BNC2: variants seen among roughly 807,000 people sequenced by gnomAD.
The protein encoded by BNC2 is zinc finger protein basonuclin-2.
A neutral mutation model predicts 76.3 loss-of-function variants in BNC2; 20 were observed. The ratio of observed to expected loss-of-function variants is 0.26; its 90% CI spans 0.18 to 0.38. The LOEUF (loss-of-function observed/expected upper bound fraction) is 0.38. Ranked by LOEUF, BNC2 falls within the 10% of genes least tolerant of loss-of-function variation. The pLI is 1.00. For synonymous variants in BNC2, 582 were observed against 514.8 expected (o/e 1.13, Z -1.77); for missense variants, 1,382 against 1,399.8 (o/e 0.99, Z 0.20).
chr9:16,552,353 G>A (rs905572724), intron 5 of BNC2, among the ~76,000 whole-genome samples, 177 bp downstream of exon 5: 16 of 152,152 alleles, frequency 1.1e-4, no homozygotes, highest in African/African-American at 3.9e-4. Context: ...ACAGCCTGAG[G>A]CCCGATGGTG....
chr9:16,801,192 CAA>C (rs1187184393), intron 1 of BNC2, among the ~76,000 whole-genome samples: 2 of 152,096 alleles, frequency 1.3e-5, no homozygotes, highest in African/African-American at 4.8e-5. Flanking sequence ...TCAAATCTCC[CAA>C]AGACTTTAGC....
intron 5 of BNC2, among the ~76,000 whole-genome samples, chr9:16,439,543 T>A (rs540202684): frequency 6.6e-6 from 1 of 152,200 alleles, no homozygotes; most frequent in East Asian, 1.9e-4. Flanking sequence ...CTGTGCTTTA[T>A]GTAGGATGTT....
chr9:16,669,551 T>C (rs759944548), intron 3 of BNC2, among the ~76,000 whole-genome samples: 1 of 152,230 alleles, frequency 6.6e-6, no homozygotes, highest in African/African-American at 2.4e-5. Context: ...ATAACAGTTA[T>C]AAATTCTTAG....
intron 2 of BNC2, among the ~76,000 whole-genome samples, chr9:16,737,253 T>C (rs1435941312): frequency 1.4e-5 from 2 of 145,894 alleles, no homozygotes; most frequent in Non-Finnish European, 3.0e-5. Flanking sequence ...TTTTTTTTTT[T>C]TTTTTTTTTC....
chr9:16,591,074 T>C (rs113251503), intron 3 of BNC2, among the ~76,000 whole-genome samples: 2 of 152,198 alleles, frequency 1.3e-5, no homozygotes, highest in African/African-American at 4.8e-5. Context: ...ACTCACATGA[T>C]AGTAATGGTG....
chr9:16,749,647 C>T (rs1411109519), intron 1 of BNC2, among the ~76,000 whole-genome samples: 2 of 151,250 alleles, frequency 1.3e-5, no homozygotes, highest in Non-Finnish European at 2.9e-5. Flanking sequence ...CTGCAGTGAG[C>T]CATGATTGTG....
chr9:16,763,614 T>G (rs1386710991), intron 1 of BNC2, among the ~76,000 whole-genome samples: 1 of 152,072 alleles, frequency 6.6e-6, no homozygotes, highest in Non-Finnish European at 1.5e-5. Context: ...TGATAGTGAT[T>G]TTATATGAAG....
intron 5 of BNC2, among the ~76,000 whole-genome samples, chr9:16,509,448 A>G (rs1267771597): frequency 6.6e-6 from 1 of 152,126 alleles, no homozygotes. Flanking sequence ...TACTCAGCCA[A>G]TTTCACTAGT....
chr9:16,780,608 T>C (rs1297851317), intron 1 of BNC2, among the ~76,000 whole-genome samples: 3 of 152,112 alleles, frequency 2.0e-5, no homozygotes, highest in South Asian at 2.1e-4. Flanking sequence ...TTGTATATTA[T>C]GGGAATTACA....
intron 1 of BNC2, among the ~76,000 whole-genome samples, chr9:16,846,020 G>A (rs1157041305): frequency 7.2e-5 from 11 of 151,908 alleles, no homozygotes; most frequent in Admixed American, 2.6e-4. Flanking sequence ...CGCGGTGGCG[G>A]GCACCTGCAG....
chr9:16,785,595 A>G (rs1039792973), intron 1 of BNC2, among the ~76,000 whole-genome samples: 1 of 137,014 alleles, frequency 7.3e-6, no homozygotes, highest in Admixed American at 7.7e-5. Flanking sequence ...GTGAGGTTTC[A>G]CCATGTTGGC....
rs1820610773 is a variant in BNC2 at position 16,417,531 on chromosome 9, G to GC, written c.*1457_*1458insG. On this transcript the variant is annotated 3_prime_UTR_variant, in exon 7 of 7. Coordinates refer to ENST00000380672, the MANE Select transcript of BNC2 (RefSeq NM_017637.6). ...TAGCACATGTTTTCAAAGCTTCCAA[G>GC]TACTGCTGCTGTTAAATGCCTTTTG... 3 of 152,216 alleles carry GC rather than the reference G, an allele frequency of 2.0e-5. No homozygotes were observed. Among genetic ancestry groups the GC allele is most frequent in the South Asian group, 4.1e-4 (2 of 4,820 alleles). 9.4% of individuals were successfully genotyped at this position (152,216 alleles called of 1,614,324 possible). A position where few individuals can be genotyped will look rare whatever the true frequency, so the allele number is the denominator to read the frequency against.
intron 3 of BNC2, among the ~76,000 whole-genome samples, chr9:16,672,959 C>G (rs1211114843): frequency 6.6e-6 from 1 of 152,158 alleles, no homozygotes; most frequent in Admixed American, 6.5e-5. Context: ...GTAAACAACA[C>G]GAAGCAAAAA....
At chr9:16,670,376 G>A (rs1048398317) in intron 3 of BNC2, among the ~76,000 whole-genome samples, 26 of 152,114 alleles carry the variant, frequency 1.7e-4, no homozygotes, top group Admixed American at 3.9e-4. Flanking sequence ...AATTCAGGGC[G>A]CGATCATAGT....
intron 5 of BNC2, among the ~76,000 whole-genome samples, chr9:16,494,783 G>C (rs964118615): frequency 5.3e-5 from 8 of 152,004 alleles, no homozygotes; most frequent in Non-Finnish European, 7.4e-5. Flanking sequence ...ATTTTCATGA[G>C]AACACATGGA....
intron 4 of BNC2, among the ~76,000 whole-genome samples, chr9:16,571,975 G>A (rs1819337738): frequency 6.6e-6 from 1 of 152,018 alleles, no homozygotes; most frequent in Non-Finnish European, 1.5e-5. Context: ...CACCTCCCTA[G>A]CCAAGTTCTC....
intron 5 of BNC2, among the ~76,000 whole-genome samples, chr9:16,533,225 A>G (rs1049431066): frequency 6.6e-6 from 1 of 152,250 alleles, no homozygotes; most frequent in South Asian, 2.1e-4. Context: ...AACATTAGAT[A>G]TGACAAATGA....
At chr9:16,808,606 G>T (rs377402999) in intron 1 of BNC2, among the ~76,000 whole-genome samples, 1 of 145,734 alleles carries the variant, frequency 6.9e-6, no homozygotes, top group Non-Finnish European at 1.5e-5. Flanking sequence ...CTCCCACCTC[G>T]GCCTCCTGAG....
chr9:16,459,336 C>T (rs1294391001), intron 5 of BNC2, among the ~76,000 whole-genome samples: 1 of 152,176 alleles, frequency 6.6e-6, no homozygotes, highest in Non-Finnish European at 1.5e-5. Flanking sequence ...AAACAGCATT[C>T]AGGGAGTTTC....
Sources: gnomAD v4.1 joint callset for allele counts (sites outside exome capture counted in the v4.1 genomes callset) on GRCh38, gnomAD v4.1.1 for gene constraint, MANE v1.5 for transcripts, NCBI Gene and HGNC (gene_info 2026-07-23, HGNC 2026-07-21) for gene names.